Variants in CCSER1 observed in about 807,000 individuals in gnomAD.
CCSER1 encodes coiled-coil serine rich protein 1.
In CCSER1, 41 loss-of-function variants were observed where a neutral mutation model predicts 82.0. The ratio of observed to expected loss-of-function variants is 0.50; its 90% CI spans 0.39 to 0.65. The LOEUF (loss-of-function observed/expected upper bound fraction) is 0.65. CCSER1 is among the 30% of genes least tolerant of loss of function. The pLI is 0.00. For missense variants in CCSER1, 1,119 were observed against 1,064.2 expected (o/e 1.05, Z -0.72); for synonymous variants, 414 against 383.9 (o/e 1.08, Z -0.92).
intron 3 of CCSER1, among the ~76,000 whole-genome samples, chr4:90,366,917 A>C (rs1286395489): frequency 1.3e-5 from 2 of 151,872 alleles, no homozygotes; most frequent in Non-Finnish European, 2.9e-5. Context: ...GGTATGTATA[A>C]CTTAACAAAA....
chr4:91,246,672 A>C (rs1739801655), intron 10 of CCSER1, among the ~76,000 whole-genome samples: 1 of 152,180 alleles, frequency 6.6e-6, no homozygotes, highest in Non-Finnish European at 1.5e-5. Context: ...GGATAAAGAA[A>C]ATGTGGTACA....
At chr4:91,463,654 C>T (rs1016268798) in intron 10 of CCSER1, among the ~76,000 whole-genome samples, 1 of 152,110 alleles carries the variant, frequency 6.6e-6, no homozygotes, top group South Asian at 2.1e-4. Flanking sequence ...TAGAGAAGTC[C>T]TTAAATGACC....
At chr4:90,871,920 C>A (rs1054345365) in intron 8 of CCSER1, among the ~76,000 whole-genome samples, 1 of 151,314 alleles carries the variant, frequency 6.6e-6, no homozygotes, top group African/African-American at 2.4e-5. Context: ...AAATAATGAC[C>A]ATCTCTGTTT....
chr4:91,422,997 G>A (rs7678476), intron 10 of CCSER1, among the ~76,000 whole-genome samples: 99,171 of 151,982 alleles, frequency 0.65, 32,967 homozygotes, highest in East Asian at 0.82. Flanking sequence ...AAAATTCACT[G>A]AAAATTAAGA....
chr4:90,336,107 C>T (rs903740874), intron 3 of CCSER1, among the ~76,000 whole-genome samples: 2 of 152,098 alleles, frequency 1.3e-5, no homozygotes, highest in Non-Finnish European at 2.9e-5. Context: ...GATAATTAAT[C>T]CTTTTTTTCT....
At chr4:91,054,322 A>G (rs942836050) in intron 9 of CCSER1, among the ~76,000 whole-genome samples, 1 of 152,202 alleles carries the variant, frequency 6.6e-6, no homozygotes, top group Non-Finnish European at 1.5e-5. Context: ...TTGAAGGCTC[A>G]GGTACTCTTT....
rs76760756 is a variant in CCSER1, at chr4:90,990,368, C to A, written c.2172+66921C>A. Reference sequence around the variant, plus strand: ...CTTCTTAAAATACGATGTACATAACCAAACACAGTATTTTGTGCTCAATTT... The same window carrying A: ...CTTCTTAAAATACGATGTACATAACAAAACACAGTATTTTGTGCTCAATTT... On this transcript the variant is annotated intron_variant, in intron 9 of 10. Transcript: ENST00000509176. Among the ~76,000 whole-genome samples the A allele has an allele frequency of 2.7e-3, 413 of 151,990 alleles. 11 individuals are homozygous for A. In the East Asian group the frequency reaches 0.039, roughly 14 times the overall value.
At chr4:91,201,671 C>T (rs1192018602) in intron 10 of CCSER1, among the ~76,000 whole-genome samples, 8 of 152,010 alleles carry the variant, frequency 5.3e-5, no homozygotes, top group Admixed American at 5.3e-4. Flanking sequence ...CGTGGGATTA[C>T]AGATGTGATT....
intron 9 of CCSER1, among the ~76,000 whole-genome samples, chr4:91,004,248 A>C (rs1345961573): frequency 6.6e-6 from 1 of 152,032 alleles, no homozygotes; most frequent in Non-Finnish European, 1.5e-5. Flanking sequence ...GTCCACCGTA[A>C]TGTTCCCCTT....
intron 10 of CCSER1, among the ~76,000 whole-genome samples, chr4:91,401,236 A>T (rs1752297022): frequency 6.7e-6 from 1 of 150,036 alleles, no homozygotes; most frequent in African/African-American, 2.4e-5. Flanking sequence ...ATGGTGAATT[A>T]TATATGTGTA....
chr4:91,190,882 C>T (rs757662931), intron 10 of CCSER1, among the ~76,000 whole-genome samples: 2 of 152,082 alleles, frequency 1.3e-5, no homozygotes, highest in African/African-American at 2.4e-5. Context: ...TTGGTTTGAA[C>T]TTAACTTCAT....
Position 90,484,201 on chromosome 4 carries a change from C to T in CCSER1, c.1724+15847C>T, listed in dbSNP as rs543926280. Among the ~76,000 whole-genome samples the T allele has an allele frequency of 5.8e-3, 854 of 148,466 alleles. 6 individuals are homozygous for T. The highest frequency in any genetic ancestry group is 0.02 in the African/African-American group (769 of 38,572). On this transcript the variant is annotated intron_variant, in intron 5 of 10. Transcript: ENST00000509176. ...GCTTGTGCATTCATCACGTAGTTCT[C>T]GTGCGTGGTTTTTGGCTCCATGAGG...
chr4:90,503,167 T>A (rs1770171102), intron 5 of CCSER1, among the ~76,000 whole-genome samples: 1 of 152,176 alleles, frequency 6.6e-6, no homozygotes. Flanking sequence ...CTTTAGCTAC[T>A]GAGCTGCAGT....
chr4:90,357,797 A>G (rs2153516230), intron 3 of CCSER1, among the ~76,000 whole-genome samples: 1 of 152,182 alleles, frequency 6.6e-6, no homozygotes, highest in African/African-American at 2.4e-5. Flanking sequence ...TTAGAAGGTC[A>G]ATTCTAAAAC....
chr4:90,323,068 C>G (rs1156772766), intron 3 of CCSER1, among the ~76,000 whole-genome samples: 2 of 152,170 alleles, frequency 1.3e-5, no homozygotes, highest in Non-Finnish European at 2.9e-5. Flanking sequence ...GCGCTGGGGT[C>G]TAGAATCAGT....
intron 8 of CCSER1, among the ~76,000 whole-genome samples, chr4:90,920,521 C>T (rs941629349): frequency 6.6e-6 from 1 of 151,874 alleles, no homozygotes; most frequent in African/African-American, 2.4e-5. Context: ...CTATTGCCTT[C>T]TTAGATTCCA....
intron 6 of CCSER1, among the ~76,000 whole-genome samples, chr4:90,656,779 T>C (rs1729775384): frequency 6.6e-6 from 1 of 151,990 alleles, no homozygotes; most frequent in Non-Finnish European, 1.5e-5. Flanking sequence ...TTCCTCTTAT[T>C]ACTTTGTTAG....
At chr4:91,352,596 A>G (rs1748553358) in intron 10 of CCSER1, among the ~76,000 whole-genome samples, 1 of 152,178 alleles carries the variant, frequency 6.6e-6, no homozygotes, top group Non-Finnish European at 1.5e-5. Context: ...GGGGTCATAC[A>G]ATTTTTCATA....
At chr4:91,100,305 A>C (rs940544467) in intron 10 of CCSER1, among the ~76,000 whole-genome samples, 1 of 152,202 alleles carries the variant, frequency 6.6e-6, no homozygotes, top group East Asian at 1.9e-4. Context: ...AAATGAGTTA[A>C]TATGCATAAA....
Sources: allele counts gnomAD v4.1 joint callset (sites outside exome capture counted in the v4.1 genomes callset), GRCh38; gene constraint gnomAD v4.1.1; transcripts MANE v1.5; gene names NCBI Gene and HGNC (gene_info 2026-07-23, HGNC 2026-07-21).